Variants in NAB1 observed in about 807,000 individuals in gnomAD.
NAB1 encodes the protein NGFI-A binding protein 1.
Under a neutral mutation model 49.9 loss-of-function variants are expected in NAB1, and 25 were observed. The ratio of observed to expected loss-of-function variants is 0.50; its 90% CI spans 0.37 to 0.70. The LOEUF (loss-of-function observed/expected upper bound fraction) is 0.70, where lower values mean the gene tolerates loss of function less well. NAB1 is among the 30% of genes least tolerant of loss of function. NAB1 has a pLI of 0.00. For synonymous variants in NAB1, 198 were observed against 215.6 expected (o/e 0.92, Z 0.71); for missense variants, 489 against 575.9 (o/e 0.85, Z 1.54).
intron 6 of NAB1, among the ~76,000 whole-genome samples, chr2:190,673,527 T>C (rs1160596253): frequency 6.6e-6 from 1 of 152,166 alleles, no homozygotes; most frequent in Non-Finnish European, 1.5e-5. Context: ...AAGAAAACTG[T>C]GGTGACTAGT....
chr2:190,683,297 ATTTTTTTTTTTT>A (rs767640681), intron 6 of NAB1, among the ~76,000 whole-genome samples: 2 of 76,136 alleles, frequency 2.6e-5, no homozygotes, highest in Admixed American at 1.8e-4. Context: ...CTCCCAGCTA[ATTTTTTTTTTTT>A]TTTTTTTTTT....
chr2:190,682,011 AG>A lies in NAB1; in HGVS notation c.1006-1725del, dbSNP rs1218913635. On this transcript the variant is annotated intron_variant, in intron 6 of 9. Coordinates refer to ENST00000337386, the MANE Select transcript of NAB1 (RefSeq NM_005966.4). This position sits in a 1 kb window ranked among gnomAD's most constrained non-coding sequence, Gnocchi z 4.1. ...TGCTAATTTCTGTGAGGAGTCCTTT[AG>A]GAGGTTTCACTAAAGTTACTAAAAC... 1.3e-5 allele frequency among the ~76,000 whole-genome samples: 2 copies of A among 152,206 alleles called. No homozygotes were observed. Among genetic ancestry groups the A allele is most frequent in the Non-Finnish European group, 2.9e-5 (2 of 68,024 alleles).
In NAB1 at chr2:190,651,131, A is replaced by T. The variant is rs1256802514; in HGVS notation, c.-197+1149A>T. 1.3e-5 allele frequency among the ~76,000 whole-genome samples: 2 copies of T among 152,226 alleles called. No individual in the cohort carries two copies. The highest frequency in any genetic ancestry group is 2.9e-5 in the Non-Finnish European group (2 of 68,042). On this transcript the variant is annotated intron_variant, in intron 2 of 9. Coordinates refer to ENST00000337386, the MANE Select transcript of NAB1 (RefSeq NM_005966.4). The surrounding 1 kb of genome is among the most constrained non-coding windows in gnomAD (Gnocchi z 4.3). ...AGATTTTTATTTTATTCTGCCTGCT[A>T]ATTATGGATGTAATTCAAATGACAG...
Position 190,683,750 on chromosome 2 carries a change from G to C in NAB1, c.1018G>C (p.Asp340His). The change falls in exon 7 of 10, where the codon GAT (aspartate) becomes CAT (histidine). Residue 340 changes from aspartate (D) to histidine (H), a missense_variant. This residue lies in a region of NAB1 where 212 missense variants were observed against 199.3 expected (regional missense o/e 1.06). Coordinates refer to ENST00000337386, the MANE Select transcript of NAB1 (RefSeq NM_005966.4). ...ATTTGACCCACAGGATGGGTTTCCA[G>C]ATTTCCAGGATTCTGTGCAAACACT... ...KRIKVEDGFP[D>H]FQDSVQTLFQ... 6.2e-7 allele frequency: 1 copy of C among 1,613,008 alleles called. No individual in the cohort carries two copies. The highest frequency in any genetic ancestry group is 1.3e-5 in the African/African-American group (1 of 75,000).
In NAB1 at chr2:190,659,819, T is replaced by C. The variant is rs941335536; in HGVS notation, c.643T>C (p.Leu215=). The C allele has an allele frequency of 1.9e-6, 3 of 1,614,060 alleles. No homozygotes were observed. In the African/African-American group the frequency reaches 4.0e-5, roughly 22 times the overall value. The part of the protein sequence containing the change: ...RMAPTLPKSD[L]NEVKELLKTN... ...GGCCCCCACACTGCCAAAAAGTGAC[T>C]TGAATGAAGTGAAAGAGCTGCTAAA... The change falls in exon 4 of 10, where the codon TTG becomes CTG. Residue 215 remains leucine, a synonymous_variant. Coordinates refer to ENST00000337386, the MANE Select transcript of NAB1 (RefSeq NM_005966.4). The surrounding 1 kb of genome is among the most constrained non-coding windows in gnomAD (Gnocchi z 6.2).
rs1695982587 is a variant in NAB1, at chr2:190,692,664, C to CTT, written c.*2333_*2334dup. 1 of 152,620 alleles carries CTT rather than the reference C, an allele frequency of 6.6e-6. No individual in the cohort carries two copies. The highest frequency in any genetic ancestry group is 6.5e-5 in the Admixed American group (1 of 15,274). The allele number at this position is 152,620 out of a possible 1,614,324, so 9.5% of individuals were successfully genotyped here. A position where few individuals can be genotyped will look rare whatever the true frequency, so the allele number is the denominator to read the frequency against. ...ACCATTTCTCCCCGAGTCTCTTACA[C>CTT]TTTATTGTGCGATGTCCACGTTTTT... On this transcript the variant is annotated 3_prime_UTR_variant, in exon 10 of 10. Transcript: ENST00000337386. This position sits in a 1 kb window ranked among gnomAD's most constrained non-coding sequence, Gnocchi z 5.2.
rs1694093844 is a variant in NAB1 at position 190,659,235 on chromosome 2, A to G, written c.59A>G (p.Lys20Arg). The change falls in exon 4 of 10, where the codon AAA (lysine) becomes AGA (arginine). Residue 20 changes from lysine (K) to arginine (R), a missense_variant. Physicochemically the swap from Lys to Arg is conservative, Grantham distance 26. This residue lies in a region of NAB1 where 35 missense variants were observed against 85.6 expected (regional missense o/e 0.41). Coordinates refer to ENST00000337386, the MANE Select transcript of NAB1 (RefSeq NM_005966.4). This position sits in a 1 kb window ranked among gnomAD's most constrained non-coding sequence, Gnocchi z 6.2. Reference protein sequence around the residue: ...GELQLYRILQKANLLSYFDAF... With the variant: ...GELQLYRILQRANLLSYFDAF... ...TTGCAGCTGTATAGAATATTACAAAAAGCCAATCTACTTTCTTATTTTGAT... is the reference window on the plus strand; with the variant it reads ...TTGCAGCTGTATAGAATATTACAAAGAGCCAATCTACTTTCTTATTTTGAT... 1 of 1,613,992 alleles carries G rather than the reference A, an allele frequency of 6.2e-7. No individual in the cohort carries two copies. The highest frequency in any genetic ancestry group is 1.1e-5 in the South Asian group (1 of 91,072).
At chr2:190,660,722 G>A (rs183979609) in intron 4 of NAB1, among the ~76,000 whole-genome samples, 5 of 152,142 alleles carry the variant, frequency 3.3e-5, no homozygotes, top group Admixed American at 1.3e-4. Context: ...TAGAATGACC[G>A]TTCCTTTCCA....
chr2:190,660,666 C>T (rs1694175974), intron 4 of NAB1, among the ~76,000 whole-genome samples: 1 of 152,132 alleles, frequency 6.6e-6, no homozygotes. Flanking sequence ...ATCTTTAAAA[C>T]TCAGCCAAGA....
At position 190,666,072 on chromosome 2, in the gene NAB1, A is replaced by G. The variant is rs1045906533; in HGVS notation, c.820-4254A>G. The stretch of plus-strand genomic sequence containing the variant: ...ACTGTACTCATTAATTTTGGCCTCA[A>G]TGTCCTTATTCTCATCAGCTCATTG... On this transcript the variant is annotated intron_variant, in intron 4 of 9. Coordinates refer to ENST00000337386, the MANE Select transcript of NAB1 (RefSeq NM_005966.4). This position sits in a 1 kb window ranked among gnomAD's most constrained non-coding sequence, Gnocchi z 5.6. Among the ~76,000 whole-genome samples, 3 of 152,118 alleles carry G rather than the reference A, an allele frequency of 2.0e-5. No individual in the cohort carries two copies.
chr2:190,656,941 AAGAT>A (rs1693952244), intron 3 of NAB1, among the ~76,000 whole-genome samples: 2 of 152,332 alleles, frequency 1.3e-5, no homozygotes, highest in South Asian at 4.1e-4. Flanking sequence ...TTATTAAAAA[AAGAT>A]AGTGTGTGTA....
chr2:190,688,679 T>C (rs1695745077), intron 9 of NAB1, among the ~76,000 whole-genome samples: 1 of 152,238 alleles, frequency 6.6e-6, no homozygotes, highest in South Asian at 2.1e-4. Context: ...TTCATGGAGA[T>C]ATATTACATA....
chr2:190,653,608 TG>T (rs1693776721), intron 2 of NAB1: 1 of 152,228 alleles, frequency 6.6e-6, no homozygotes, highest in Non-Finnish European at 1.5e-5. Context: ...TATCTAATAA[TG>T]ATTCCCATAG....
At chr2:190,661,903 G>T (rs1401285365) in intron 4 of NAB1, among the ~76,000 whole-genome samples, 1 of 152,188 alleles carries the variant, frequency 6.6e-6, no homozygotes, top group Non-Finnish European at 1.5e-5. Context: ...AACTATCCAA[G>T]ATCTTGGAAG....
chr2:190,687,449 A>T, intron 9 of NAB1, 132 bp downstream of exon 9: 2 of 565,558 alleles, frequency 3.5e-6, no homozygotes, highest in Non-Finnish European at 6.0e-6. Context: ...CTACAGGTTG[A>T]GTATCCCTAA....
In NAB1 at chr2:190,691,520, C is replaced by T. The variant is rs1290061842; in HGVS notation, c.*1187C>T. The T allele has an allele frequency of 6.6e-6, 1 of 151,984 alleles. No individual in the cohort carries two copies. Among genetic ancestry groups the T allele is most frequent in the Non-Finnish European group, 1.5e-5 (1 of 67,966 alleles). The allele number at this position is 151,984 out of a possible 1,614,324, so 9.4% of individuals were successfully genotyped here. On this transcript the variant is annotated 3_prime_UTR_variant, in exon 10 of 10. Transcript: ENST00000337386. The surrounding 1 kb of genome is among the most constrained non-coding windows in gnomAD (Gnocchi z 4.1). ...ACTTGACAGTATGTTTTTAGTTCCC[C>T]CAATTTAATTAATGGACCATGTGCA...
At chr2:190,653,502 T>TA (rs772610211) in intron 2 of NAB1, among the ~76,000 whole-genome samples, 1 of 152,210 alleles carries the variant, frequency 6.6e-6, no homozygotes, top group Non-Finnish European at 1.5e-5. Flanking sequence ...GTCTTATGCA[T>TA]AAATAAGTCA....
At position 190,649,556 on chromosome 2, in the gene NAB1, T is replaced by C. The variant is rs1010667611; in HGVS notation, c.-334+196T>C. ...GGCGGCCCCGGGCTCGTGTGGGCGA[T>C]TCCCGGAGACATTCTGTGTGCCAGG... On this transcript the variant is annotated intron_variant, in intron 1 of 9. Transcript: ENST00000337386. This position sits in a 1 kb window ranked among gnomAD's most constrained non-coding sequence, Gnocchi z 6.1. The C allele has an allele frequency of 1.3e-5, 2 of 151,832 alleles. No homozygotes were observed. Among genetic ancestry groups the C allele is most frequent in the African/African-American group, 4.8e-5 (2 of 41,436 alleles). 9.4% of individuals were successfully genotyped at this position (151,832 alleles called of 1,614,324 possible).
At chr2:190,664,687 C>A (rs535334713) in intron 4 of NAB1, among the ~76,000 whole-genome samples, 5 of 146,526 alleles carry the variant, frequency 3.4e-5, no homozygotes, top group African/African-American at 1.0e-4. Flanking sequence ...CTGCTTCAGC[C>A]TCCCCAAGTG....
Sources: allele counts gnomAD v4.1 joint callset (sites outside exome capture counted in the v4.1 genomes callset), GRCh38; gene constraint gnomAD v4.1.1; regional missense constraint gnomAD v4.1.1; non-coding constraint Gnocchi (gnomAD v3.1); transcripts MANE v1.5; gene names NCBI Gene and HGNC (gene_info 2026-07-23, HGNC 2026-07-21).